EHF: variants seen among roughly 807,000 people sequenced by gnomAD.
EHF encodes ESE3 transcription factor.
A neutral mutation model predicts 45.1 loss-of-function variants in EHF; 14 were observed. The ratio of observed to expected loss-of-function variants is 0.31; its 90% CI spans 0.21 to 0.49. EHF has a LOEUF of 0.49. Ranked by LOEUF, EHF falls within the 20% of genes least tolerant of loss-of-function variation. The pLI is 0.99. For missense variants in EHF, 282 were observed against 371.4 expected (o/e 0.76, Z 1.98); for synonymous variants, 136 against 131.8 (o/e 1.03, Z -0.22).
At chr11:34,630,091 C>T (rs1293065292) in intron 1 of EHF, among the ~76,000 whole-genome samples, 1 of 152,072 alleles carries the variant, frequency 6.6e-6, no homozygotes, top group Admixed American at 6.5e-5. Flanking sequence ...CAATATGTCT[C>T]CTGTTTATAT....
chr11:34,642,430 A>C (rs1358914517), intron 1 of EHF, 198 bp from the exon 2 acceptor site: 1 of 505,186 alleles, frequency 2.0e-6, no homozygotes, highest in Admixed American at 3.2e-5. Context: ...TGCCTCATGC[A>C]TATGAAAATT....
chr11:34,634,718 C>T (rs912690679), intron 1 of EHF, among the ~76,000 whole-genome samples: 1 of 152,102 alleles, frequency 6.6e-6, no homozygotes, highest in African/African-American at 2.4e-5. Flanking sequence ...GGATAATTTA[C>T]ATTATATATG....
intron 6 of EHF, among the ~76,000 whole-genome samples, chr11:34,656,394 TA>T (rs34892719): frequency 0.11 from 16,218 of 144,494 alleles, 968 homozygotes; most frequent in South Asian, 0.26. Context: ...TCTATTATGC[TA>T]AAAAAAAAAA....
chr11:34,624,329 C>G, intron 1 of EHF: 1 of 985,396 alleles, frequency 1.0e-6, no homozygotes, highest in South Asian at 4.7e-5. Context: ...TAAGCCGGGT[C>G]TGCGGCGGGG....
intron 2 of EHF, 53 bp from the exon 3 acceptor site, chr11:34,646,386 C>G: frequency 6.2e-7 from 1 of 1,606,822 alleles, no homozygotes; most frequent in Non-Finnish European, 8.5e-7. Context: ...GTGTCAGATA[C>G]TATGGCCAGG....
Position 34,621,232 on chromosome 11 carries a change from A to T in EHF, c.-4+4A>T, listed in dbSNP as rs1378550797. Reference sequence around the variant, plus strand: ...CCAGAATCTTTAGGTAAATGAGGTAAGTCCTGATTTTTAAAACTTCTTTTG... The same window carrying T: ...CCAGAATCTTTAGGTAAATGAGGTATGTCCTGATTTTTAAAACTTCTTTTG... On this transcript the variant is annotated splice_donor_region_variant and intron_variant, in intron 1 of 8. Transcript: ENST00000257831. 6.6e-6 allele frequency: 1 copy of T among 152,222 alleles called. No homozygotes were observed. The highest frequency in any genetic ancestry group is 1.5e-5 in the Non-Finnish European group (1 of 68,056). The allele number at this position is 152,222 out of a possible 1,614,324, so 9.4% of individuals were successfully genotyped here.
rs138420376 is a variant in EHF at position 34,638,530 on chromosome 11, G to A, written c.-3-4098G>A. Among the ~76,000 whole-genome samples the A allele has an allele frequency of 9.9e-4, 151 of 152,302 alleles. 2 individuals carry two copies. In the East Asian group the frequency reaches 0.015, roughly 15 times the overall value. ...TGTCACGTCAGTAAGAGCAAAGCCT[G>A]AGCTGTCTGCCTCCACAAGCTTTTA... On this transcript the variant is annotated intron_variant, in intron 1 of 8. Transcript: ENST00000257831.
rs1253959814 is a variant in EHF, at chr11:34,660,709, CCT to C, written c.*1783_*1784del. On this transcript the variant is annotated 3_prime_UTR_variant, in exon 9 of 9. Coordinates refer to ENST00000257831, the MANE Select transcript of EHF (RefSeq NM_012153.6). ...GTCCTTGGCTTGCTCCTCTATTCTACCTCTCTTTCTCCAGCAATAATATGCAA... is the reference window on the plus strand; with the variant it reads ...GTCCTTGGCTTGCTCCTCTATTCTACCTCTTTCTCCAGCAATAATATGCAA... 1.3e-5 allele frequency: 2 copies of C among 152,078 alleles called. No homozygotes were observed. Among genetic ancestry groups the C allele is most frequent in the Non-Finnish European group, 2.9e-5 (2 of 68,004 alleles). 9.4% of individuals were successfully genotyped at this position (152,078 alleles called of 1,614,324 possible).
chr11:34,660,809 G>A lies in EHF; in HGVS notation c.*1878G>A, dbSNP rs541870543. On this transcript the variant is annotated 3_prime_UTR_variant, in exon 9 of 9. Coordinates refer to ENST00000257831, the MANE Select transcript of EHF (RefSeq NM_012153.6). ...AGCACCTACCACAGTGTCATACCTG[G>A]TAGAGGTGAGCAATTCATATTCAAA... 25 of 152,246 alleles carry A rather than the reference G, an allele frequency of 1.6e-4. 1 individual carries two copies. The highest frequency in any genetic ancestry group is 5.8e-4 in the African/African-American group (24 of 41,552). The allele number at this position is 152,246 out of a possible 1,614,324, so 9.4% of individuals were successfully genotyped here. A position where few individuals can be genotyped will look rare whatever the true frequency, so the allele number is the denominator to read the frequency against.
At chr11:34,651,661 C>G in intron 5 of EHF, 51 bp downstream of exon 5, 1 of 1,606,262 alleles carries the variant, frequency 6.2e-7, no homozygotes, top group Non-Finnish European at 8.5e-7. Context: ...TTCAGTTTGT[C>G]TAAGAGCCAC....
chr11:34,651,419 C>G, intron 4 of EHF, 123 bp from the exon 5 acceptor site: 1 of 748,050 alleles, frequency 1.3e-6, no homozygotes, highest in Non-Finnish European at 2.3e-6. Context: ...AATCATATCC[C>G]TTGTCTCTGA....
chr11:34,639,510 C>G (rs916409027), intron 1 of EHF, among the ~76,000 whole-genome samples: 2 of 152,242 alleles, frequency 1.3e-5, no homozygotes, highest in Non-Finnish European at 2.9e-5. Flanking sequence ...TGTCTTCACT[C>G]TACGCCTGAA....
chr11:34,626,354 G>A (rs1015651803), intron 1 of EHF, among the ~76,000 whole-genome samples: 2 of 152,148 alleles, frequency 1.3e-5, no homozygotes, highest in East Asian at 1.9e-4. Context: ...ATAGAGCAAT[G>A]GAGATTGGAG....
At chr11:34,641,162 C>G (rs1212165198) in intron 1 of EHF, among the ~76,000 whole-genome samples, 1 of 152,132 alleles carries the variant, frequency 6.6e-6, no homozygotes, top group Non-Finnish European at 1.5e-5. Context: ...TGTCCATCAT[C>G]CCTACCCTGT....
intron 6 of EHF, 148 bp from the exon 7 acceptor site, chr11:34,656,760 C>T (rs1855711064): frequency 1.3e-6 from 1 of 773,808 alleles, no homozygotes; most frequent in Admixed American, 2.8e-5. Context: ...TTTATCATCT[C>T]TGTTTTGTTT....
rs569206516 is a variant in EHF at position 34,627,851 on chromosome 11, C to A, written c.-4+6623C>A. On this transcript the variant is annotated intron_variant, in intron 1 of 8. Coordinates refer to ENST00000257831, the MANE Select transcript of EHF (RefSeq NM_012153.6). Reference sequence around the variant, plus strand: ...ATGGTAGTATTAGCTGCAATTGTGACTATCACCAGGATAAATCACATTTTC... The same window carrying A: ...ATGGTAGTATTAGCTGCAATTGTGAATATCACCAGGATAAATCACATTTTC... Among the ~76,000 whole-genome samples, 6 of 152,318 alleles carry A rather than the reference C, an allele frequency of 3.9e-5. No homozygotes were observed. In the East Asian group the frequency reaches 1.2e-3, roughly 29 times the overall value.
intron 6 of EHF, 139 bp downstream of exon 6, chr11:34,651,944 C>T (rs1296821312): frequency 3.6e-6 from 3 of 827,118 alleles, no homozygotes; most frequent in East Asian, 2.7e-5. Flanking sequence ...TACCATTAGA[C>T]GAGGTTTGCT....
intron 1 of EHF, among the ~76,000 whole-genome samples, chr11:34,636,902 G>A (rs550871470): frequency 1.3e-5 from 2 of 152,164 alleles, no homozygotes; most frequent in African/African-American, 4.8e-5. Flanking sequence ...GGTGGTGCAT[G>A]CCTATAATCC....
chr11:34,629,346 C>G (rs981560112), intron 1 of EHF, among the ~76,000 whole-genome samples: 1 of 152,034 alleles, frequency 6.6e-6, no homozygotes, highest in Non-Finnish European at 1.5e-5. Context: ...AACCAGTGAG[C>G]CAGGAGAAAC....
Sources: allele counts gnomAD v4.1 joint callset (sites outside exome capture counted in the v4.1 genomes callset), GRCh38; gene constraint gnomAD v4.1.1; transcripts MANE v1.5; gene names NCBI Gene and HGNC (gene_info 2026-07-23, HGNC 2026-07-21).